CMSS1: variants seen among roughly 807,000 people sequenced by gnomAD.
CMSS1 encodes the protein cms1 ribosomal small subunit homolog.
A neutral mutation model predicts 43.5 loss-of-function variants in CMSS1; 33 were observed. The observed-to-expected ratio is 0.76, with a 90% CI of 0.57 to 1.01. The LOEUF is 1.01. CMSS1 is among the 50% of genes least tolerant of loss of function. CMSS1 has a pLI of 0.00. For synonymous variants in CMSS1, 115 were observed against 117.2 expected (o/e 0.98, Z 0.12); for missense variants, 313 against 326.4 (o/e 0.96, Z 0.32).
chr3:99,930,952 G>A (rs1221887509), intron 1 of CMSS1: 1 of 1,613,478 alleles, frequency 6.2e-7, no homozygotes, highest in Non-Finnish European at 8.5e-7. Context: ...CTTGGAAACT[G>A]TGGCCTTTAG....
intron 1 of CMSS1, chr3:100,025,521 G>A (rs749672483): frequency 6.6e-6 from 1 of 152,102 alleles, no homozygotes; most frequent in Admixed American, 6.6e-5. Context: ...GGATGAATAC[G>A]AAGGAACGGG....
intron 1 of CMSS1, among the ~76,000 whole-genome samples, chr3:99,911,503 G>A (rs551395074): frequency 6.6e-6 from 1 of 152,100 alleles, no homozygotes; most frequent in South Asian, 2.1e-4. Context: ...TCAGGATAAA[G>A]GGGAAATCCA....
intron 9 of CMSS1, among the ~76,000 whole-genome samples, chr3:100,177,945 C>T (rs1049966083): frequency 6.6e-6 from 1 of 152,096 alleles, no homozygotes; most frequent in Non-Finnish European, 1.5e-5. Flanking sequence ...ATGGCAAAAC[C>T]CTGTCTCTAC....
At chr3:99,897,353 G>A (rs533783878) in intron 1 of CMSS1, among the ~76,000 whole-genome samples, 1 of 151,588 alleles carries the variant, frequency 6.6e-6, no homozygotes, top group Admixed American at 6.6e-5. Flanking sequence ...TGGGGGACAA[G>A]AGCTAGACTT....
chr3:99,836,842 G>A (rs963828856), intron 1 of CMSS1, among the ~76,000 whole-genome samples: 4 of 152,192 alleles, frequency 2.6e-5, no homozygotes, highest in Non-Finnish European at 4.4e-5. Context: ...CAGCCATTGT[G>A]TCTGAACCAA....
chr3:100,058,524 A>C (rs1168497711), intron 1 of CMSS1, among the ~76,000 whole-genome samples: 1 of 152,234 alleles, frequency 6.6e-6, no homozygotes, highest in African/African-American at 2.4e-5. Flanking sequence ...AGATACTCAC[A>C]TCCCCAATCT....
intron 1 of CMSS1, among the ~76,000 whole-genome samples, chr3:100,122,013 G>A (rs984875286): frequency 2.0e-5 from 3 of 152,178 alleles, no homozygotes; most frequent in Non-Finnish European, 4.4e-5. Context: ...GATAAGGAAC[G>A]AGTAGCAAGA....
At chr3:100,159,268 A>G (rs1433763636) in intron 2 of CMSS1, among the ~76,000 whole-genome samples, 1 of 152,220 alleles carries the variant, frequency 6.6e-6, no homozygotes, top group Admixed American at 6.5e-5. Context: ...AAGATTTCCC[A>G]TGTCACTTTA....
chr3:100,012,287 G>A (rs1293165536), intron 1 of CMSS1, among the ~76,000 whole-genome samples: 1 of 152,010 alleles, frequency 6.6e-6, no homozygotes. Context: ...CAATTAGAAG[G>A]CCTGCCAAAT....
At chr3:99,831,646 G>A (rs1182538508) in intron 1 of CMSS1, among the ~76,000 whole-genome samples, 1 of 152,178 alleles carries the variant, frequency 6.6e-6, no homozygotes, top group Admixed American at 6.5e-5. Flanking sequence ...TTTCTGTGAT[G>A]TCCTGTAACT....
At chr3:100,080,132 T>C (rs906773484) in intron 1 of CMSS1, among the ~76,000 whole-genome samples, 9 of 152,212 alleles carry the variant, frequency 5.9e-5, no homozygotes, top group African/African-American at 2.2e-4. Flanking sequence ...TTTTCTTTAA[T>C]TAATAAAAAA....
At chr3:100,077,165 C>G (rs2065863261) in intron 1 of CMSS1, among the ~76,000 whole-genome samples, 1 of 152,176 alleles carries the variant, frequency 6.6e-6, no homozygotes. Context: ...ACTTGACATG[C>G]AAAGAACTTA....
chr3:100,142,692 G>A (rs1412685681), intron 1 of CMSS1, among the ~76,000 whole-genome samples: 2 of 152,038 alleles, frequency 1.3e-5, no homozygotes, highest in Non-Finnish European at 2.9e-5. Flanking sequence ...ACATTTATGG[G>A]GCTGATCCTG....
At position 100,179,287 on chromosome 3, in the gene CMSS1, C is replaced by T. The variant is rs2067170979; in HGVS notation, c.*899C>T. The T allele has an allele frequency of 6.6e-6, 1 of 152,268 alleles. No individual in the cohort carries two copies. The highest frequency in any genetic ancestry group is 1.5e-5 in the Non-Finnish European group (1 of 68,062). The allele number at this position is 152,268 out of a possible 1,614,324, so 9.4% of individuals were successfully genotyped here. On this transcript the variant is annotated 3_prime_UTR_variant, in exon 10 of 10. Coordinates refer to ENST00000421999, the MANE Select transcript of CMSS1 (RefSeq NM_032359.4). ...ACATTTCAAAACACAATCATGCCTTCTCAACAGTCCCCCAAAGTCTTAACT... is the reference window on the plus strand; with the variant it reads ...ACATTTCAAAACACAATCATGCCTTTTCAACAGTCCCCCAAAGTCTTAACT...
At chr3:100,115,573 C>G (rs1057505349) in intron 1 of CMSS1, among the ~76,000 whole-genome samples, 1 of 100,580 alleles carries the variant, frequency 9.9e-6, no homozygotes, top group Non-Finnish European at 2.1e-5. Flanking sequence ...CTCTCTCTCT[C>G]TGTCTCTCTC....
chr3:99,980,479 A>G (rs1709090312), intron 1 of CMSS1, among the ~76,000 whole-genome samples: 1 of 152,178 alleles, frequency 6.6e-6, no homozygotes, highest in Non-Finnish European at 1.5e-5. Flanking sequence ...TTCCACAGAA[A>G]CCATCTGGTA....
chr3:100,178,271 T>G (rs773827637), intron 9 of CMSS1, 34 bp from the exon 10 acceptor site: 47 of 1,427,252 alleles, frequency 3.3e-5, no homozygotes, highest in Non-Finnish European at 4.1e-5. Context: ...TGGCTTGATC[T>G]TAATCTTTTT....
At chr3:100,115,113 CTTG>C in intron 1 of CMSS1, 1 of 701,194 alleles carries the variant, frequency 1.4e-6, no homozygotes, top group South Asian at 1.6e-5. Flanking sequence ...AGTAGGATCA[CTTG>C]TTCAGATTGA....
intron 1 of CMSS1, among the ~76,000 whole-genome samples, chr3:99,832,543 T>TA (rs746255036): frequency 0.013 from 531 of 42,414 alleles, 6 homozygotes; most frequent in African/African-American, 0.046. Context: ...CCCAAATCTT[T>TA]AAAAAAAAAA....
Sources: allele counts gnomAD v4.1 joint callset (sites outside exome capture counted in the v4.1 genomes callset), GRCh38; gene constraint gnomAD v4.1.1; transcripts MANE v1.5; gene names NCBI Gene and HGNC (gene_info 2026-07-23, HGNC 2026-07-21).